BRINP3: variants seen among roughly 807,000 people sequenced by gnomAD.
The protein encoded by BRINP3 is BMP/retinoic acid-inducible neural-specific protein 3.
In BRINP3, 19 loss-of-function variants were observed where a neutral mutation model predicts 71.0. That is an observed-to-expected ratio of 0.27 (90% confidence interval 0.19 to 0.39). BRINP3 has a LOEUF of 0.39. BRINP3 is among the 10% of genes least tolerant of loss of function. The pLI is 1.00. For synonymous variants in BRINP3, 380 were observed against 337.7 expected (o/e 1.13, Z -1.37); for missense variants, 959 against 940.8 (o/e 1.02, Z -0.25).
chr1:190,415,856 A>G (rs927204637), intron 2 of BRINP3, among the ~76,000 whole-genome samples: 4 of 152,206 alleles, frequency 2.6e-5, no homozygotes, highest in Non-Finnish European at 5.9e-5. Flanking sequence ...TGAGTGAACT[A>G]TAACACCACC....
In BRINP3 at chr1:190,235,750, C is replaced by T. The variant is rs528621298; in HGVS notation, c.619-1273G>A. Among the ~76,000 whole-genome samples the T allele has an allele frequency of 1.2e-4, 19 of 152,064 alleles. No homozygotes were observed. In the South Asian group the frequency reaches 3.7e-3, roughly 30 times the overall value. On this transcript the variant is annotated intron_variant, in intron 4 of 7. Transcript: ENST00000367462. ...CAAATTTTTGCTCAAATTTCATTCT[C>T]TTGGGACTACTTGGACTAACCTACT...
At chr1:190,251,072 C>CAAT (rs928733699) in intron 4 of BRINP3, among the ~76,000 whole-genome samples, 1 of 150,594 alleles carries the variant, frequency 6.6e-6, no homozygotes. Flanking sequence ...ATAACAACAA[C>CAAT]AATAATAATA....
At chr1:190,436,773 C>T (rs1674485767) in intron 2 of BRINP3, among the ~76,000 whole-genome samples, 1 of 151,664 alleles carries the variant, frequency 6.6e-6, no homozygotes, top group South Asian at 2.1e-4. Flanking sequence ...TGAAAATAAG[C>T]AGATAAGTTA....
intron 2 of BRINP3, among the ~76,000 whole-genome samples, chr1:190,399,825 T>C (rs1671811590): frequency 6.6e-6 from 1 of 152,050 alleles, no homozygotes; most frequent in South Asian, 2.1e-4. Flanking sequence ...TTTAGAACTG[T>C]AAAGCATGTC....
chr1:190,451,745 C>G (rs1004831579), intron 2 of BRINP3, among the ~76,000 whole-genome samples: 9 of 152,064 alleles, frequency 5.9e-5, no homozygotes, highest in Non-Finnish European at 7.4e-5. Context: ...CAAAAACACA[C>G]TTTTTCAAAC....
At chr1:190,242,357 T>G (rs1659185155) in intron 4 of BRINP3, among the ~76,000 whole-genome samples, 1 of 152,056 alleles carries the variant, frequency 6.6e-6, no homozygotes, top group Non-Finnish European at 1.5e-5. Flanking sequence ...ATAATTAATA[T>G]AGTGACTTAA....
intron 2 of BRINP3, among the ~76,000 whole-genome samples, chr1:190,352,117 T>C (rs1290888631): frequency 6.6e-6 from 1 of 151,974 alleles, no homozygotes; most frequent in Admixed American, 6.6e-5. Flanking sequence ...AGACTAGTAA[T>C]TTAAAAAAGG....
intron 2 of BRINP3, among the ~76,000 whole-genome samples, chr1:190,325,884 A>C (rs146575894): frequency 6.6e-6 from 1 of 152,254 alleles, no homozygotes; most frequent in East Asian, 1.9e-4. Flanking sequence ...CTATTACATT[A>C]ATATGTTAAA....
At chr1:190,416,660 A>T (rs1185529242) in intron 2 of BRINP3, among the ~76,000 whole-genome samples, 1 of 152,210 alleles carries the variant, frequency 6.6e-6, no homozygotes, top group Non-Finnish European at 1.5e-5. Flanking sequence ...GTAAGCATTT[A>T]TTCAGCATAA....
At chr1:190,412,466 G>GA (rs1672744683) in intron 2 of BRINP3, among the ~76,000 whole-genome samples, 1 of 106,002 alleles carries the variant, frequency 9.4e-6, no homozygotes, top group Non-Finnish European at 2.0e-5. Context: ...GTTTTTTTTT[G>GA]TTTTTTTTTT....
intron 2 of BRINP3, among the ~76,000 whole-genome samples, chr1:190,335,860 C>G (rs1392506117): frequency 6.6e-6 from 1 of 151,906 alleles, no homozygotes; most frequent in Non-Finnish European, 1.5e-5. Context: ...TTGTGGTAGA[C>G]AAACTCAAGG....
chr1:190,103,819 C>T (rs981414207), intron 7 of BRINP3, among the ~76,000 whole-genome samples: 2 of 151,582 alleles, frequency 1.3e-5, no homozygotes, highest in African/African-American at 4.8e-5. Context: ...GAATAAGCCA[C>T]ACACTAAAGC....
chr1:190,350,163 T>A (rs1668283790), intron 2 of BRINP3, among the ~76,000 whole-genome samples: 1 of 152,050 alleles, frequency 6.6e-6, no homozygotes, highest in Non-Finnish European at 1.5e-5. Context: ...GCTTATAGGA[T>A]CATTGAAACA....
chr1:190,380,276 C>T (rs2102242574), intron 2 of BRINP3, among the ~76,000 whole-genome samples: 1 of 152,030 alleles, frequency 6.6e-6, no homozygotes, highest in Middle Eastern at 3.4e-3. Context: ...GTGGGGATAC[C>T]AGGAATGATC....
chr1:190,263,118 A>T (rs1357990115), intron 4 of BRINP3, among the ~76,000 whole-genome samples: 2 of 152,188 alleles, frequency 1.3e-5, no homozygotes, highest in Non-Finnish European at 2.9e-5. Context: ...CATTTACAAC[A>T]ATGATTTCTT....
At chr1:190,218,776 A>G (rs1656627546) in intron 6 of BRINP3, among the ~76,000 whole-genome samples, 1 of 151,636 alleles carries the variant, frequency 6.6e-6, no homozygotes. Context: ...GTCTGCTTCC[A>G]TTATTTTGGT....
chr1:190,333,831 C>CT (rs1667116216), intron 2 of BRINP3, among the ~76,000 whole-genome samples: 1 of 151,846 alleles, frequency 6.6e-6, no homozygotes, highest in African/African-American at 2.4e-5. Context: ...TAGGCTGCTG[C>CT]TTTTTAACTT....
chr1:190,352,529 AT>A (rs999416249), intron 2 of BRINP3, among the ~76,000 whole-genome samples: 1 of 151,994 alleles, frequency 6.6e-6, no homozygotes, highest in African/African-American at 2.4e-5. Flanking sequence ...AAATTCAATG[AT>A]TAAAAATAGA....
chr1:190,322,559 T>G (rs531887129), intron 2 of BRINP3, among the ~76,000 whole-genome samples: 7 of 152,062 alleles, frequency 4.6e-5, no homozygotes, highest in Admixed American at 2.0e-4. Flanking sequence ...ATTCATCACC[T>G]AAGACAGGGT....
Sources: allele counts gnomAD v4.1 joint callset (sites outside exome capture counted in the v4.1 genomes callset), GRCh38; gene constraint gnomAD v4.1.1; transcripts MANE v1.5; gene names NCBI Gene and HGNC (gene_info 2026-07-23, HGNC 2026-07-21).